Variants in PSME4 observed in about 807,000 individuals in gnomAD.
PSME4 encodes the protein proteasome activator complex subunit 4.
Under a neutral mutation model 253.9 loss-of-function variants are expected in PSME4, and 89 were observed. The observed-to-expected ratio is 0.35, with a 90% CI of 0.30 to 0.42. The LOEUF is 0.42. Among genes scored for constraint, PSME4 ranks in the 10% least tolerant of loss-of-function variants. PSME4 has a pLI of 1.00. For missense variants in PSME4, 2,014 were observed against 2,195.2 expected (o/e 0.92, Z 1.65); for synonymous variants, 851 against 759.2 (o/e 1.12, Z -1.99).
At chr2:53,904,711 G>A (rs949622641) in intron 26 of PSME4, among the ~76,000 whole-genome samples, 2 of 152,120 alleles carry the variant, frequency 1.3e-5, no homozygotes, top group Non-Finnish European at 2.9e-5. Flanking sequence ...ATAGTAGGAT[G>A]GGCGCAGTGG....
chr2:53,970,136 C>G (rs908648175), intron 1 of PSME4, among the ~76,000 whole-genome samples: 1 of 152,140 alleles, frequency 6.6e-6, no homozygotes, highest in Non-Finnish European at 1.5e-5. Flanking sequence ...AGCAAGGAGA[C>G]AAGTCAAGGA....
Position 53,932,723 on chromosome 2 carries a change from C to G in PSME4, c.995G>C (p.Gly332Ala). 6.2e-7 allele frequency: 1 copy of G among 1,614,000 alleles called. No individual in the cohort carries two copies. The highest frequency in any genetic ancestry group is 8.5e-7 in the Non-Finnish European group (1 of 1,179,882). ...AAAAGATGTGATGCTGTTAAACAAA[C>G]CAGCTAAGTGTTTTTGCACTAGCTT... is the stretch of plus-strand genomic sequence containing the variant. Reference protein sequence around the residue: ...PSKLVQKHLAGLFNSITSFYH... With the variant: ...PSKLVQKHLAALFNSITSFYH... The change falls in exon 9 of 47, where the codon GGT becomes GCT. Residue 332 changes from glycine to alanine, a missense_variant. This residue lies in a region of PSME4 where 615 missense variants were observed against 594.4 expected (regional missense o/e 1.03). Transcript: ENST00000404125.
intron 14 of PSME4, among the ~76,000 whole-genome samples, chr2:53,924,866 A>C (rs887251644): frequency 2.0e-5 from 3 of 152,248 alleles, no homozygotes; most frequent in Non-Finnish European, 4.4e-5. Context: ...CCCAGGGGAA[A>C]TACAGGATTA....
At chr2:53,950,538 T>C (rs554089021) in intron 1 of PSME4, among the ~76,000 whole-genome samples, 5 of 152,210 alleles carry the variant, frequency 3.3e-5, no homozygotes, top group African/African-American at 1.2e-4. Flanking sequence ...TTTAAGCAAA[T>C]TTAAGAAAAA....
chr2:53,947,247 A>G (rs557145775), intron 3 of PSME4, among the ~76,000 whole-genome samples: 19 of 152,376 alleles, frequency 1.2e-4, no homozygotes, highest in African/African-American at 2.9e-4. Context: ...TGACCTAAGT[A>G]AAGGCTGAGG....
chr2:53,884,042 T>C (rs1679521754), intron 41 of PSME4, among the ~76,000 whole-genome samples: 1 of 152,198 alleles, frequency 6.6e-6, no homozygotes, highest in Non-Finnish European at 1.5e-5. Flanking sequence ...CGCCTCTCTT[T>C]ATCCTCACAC....
chr2:53,915,958 C>G (rs149898583), intron 20 of PSME4, among the ~76,000 whole-genome samples: 1 of 152,262 alleles, frequency 6.6e-6, no homozygotes, highest in East Asian at 1.9e-4. Context: ...GCCTGCAATA[C>G]TGGCTACTTG....
chr2:53,888,152 T>C (rs2104423896), intron 38 of PSME4, 163 bp from the exon 39 acceptor site: 1 of 570,346 alleles, frequency 1.8e-6, no homozygotes, highest in Admixed American at 4.0e-5. Context: ...ATGAAGATTT[T>C]ATTTTTCCTA....
chr2:53,870,904 G>T (rs1678846123), intron 43 of PSME4: 2 of 151,992 alleles, frequency 1.3e-5, no homozygotes, highest in African/African-American at 4.8e-5. Flanking sequence ...CCAAAGTGCT[G>T]GGATTACAGG....
At chr2:53,869,821 TCAGGGC>T in intron 43 of PSME4, 1 of 206,308 alleles carries the variant, frequency 4.8e-6, no homozygotes, top group South Asian at 1.6e-4. Flanking sequence ...ATAGCTCTCA[TCAGGGC>T]TATAACTGTA....
At chr2:53,916,769 T>A (rs1403109083) in intron 20 of PSME4, among the ~76,000 whole-genome samples, 1 of 152,126 alleles carries the variant, frequency 6.6e-6, no homozygotes, top group Non-Finnish European at 1.5e-5. Flanking sequence ...ATGTTACACA[T>A]AGGAAATAAA....
In PSME4 at chr2:53,888,447, A is replaced by G. The variant is rs1679740772; in HGVS notation, c.4388+274T>C. The G allele has an allele frequency of 1.2e-5, 4 of 339,286 alleles. No homozygotes were observed. The East Asian group carries it at 1.9e-4, about 16-fold the overall frequency. The allele number at this position is 339,286 out of a possible 1,614,324, so 21.0% of individuals were successfully genotyped here. Reference sequence around the variant, plus strand: ...AGATGTGATGAAGACACAAAAGTACAAAAGACAATTCTGATAAAATATTTG... The same window carrying G: ...AGATGTGATGAAGACACAAAAGTACGAAAGACAATTCTGATAAAATATTTG... On this transcript the variant is annotated intron_variant, in intron 38 of 46. Coordinates refer to ENST00000404125, the MANE Select transcript of PSME4 (RefSeq NM_014614.3).
Position 53,919,234 on chromosome 2 carries a change from TAG to T in PSME4, c.2431_2432del (p.Leu811ThrfsTer27). The T allele has an allele frequency of 6.3e-7, 1 of 1,583,788 alleles. No individual in the cohort carries two copies. Among genetic ancestry groups the T allele is most frequent in the Non-Finnish European group, 8.5e-7 (1 of 1,170,120 alleles). On this transcript the variant is annotated frameshift_variant, in exon 20 of 47. Coordinates refer to ENST00000404125, the MANE Select transcript of PSME4 (RefSeq NM_014614.3). LOFTEE classifies it high-confidence loss of function. ...GKLEMSRDDI[L>X]QSLTIVHNCL... is the part of the protein sequence containing the mutation. ...AGTTGTGCACTATAGTCAGACTCTGTAGAATATCATCTCTAGAAAAAAAAAAA... is the reference window on the plus strand; with the variant it reads ...AGTTGTGCACTATAGTCAGACTCTGTAATATCATCTCTAGAAAAAAAAAAA...
intron 33 of PSME4, among the ~76,000 whole-genome samples, 167 bp from the exon 34 acceptor site, chr2:53,895,243 T>C (rs1298056273): frequency 6.6e-6 from 1 of 152,222 alleles, no homozygotes; most frequent in Non-Finnish European, 1.5e-5. Flanking sequence ...CAGATCACTG[T>C]GTCCTAATGA....
At chr2:53,876,926 T>A (rs1056129981) in intron 41 of PSME4, among the ~76,000 whole-genome samples, 3 of 151,650 alleles carry the variant, frequency 2.0e-5, no homozygotes, top group Non-Finnish European at 4.4e-5. Flanking sequence ...TCTCACTGTG[T>A]TGCCCAGATT....
At chr2:53,898,689 G>A (rs1680254753) in intron 29 of PSME4, among the ~76,000 whole-genome samples, 1 of 151,200 alleles carries the variant, frequency 6.6e-6, no homozygotes. Flanking sequence ...CCAGGTTTCT[G>A]AAATATATTA....
chr2:53,873,242 A>AAAAAAAAAAAAAAAAG (rs1352257177), intron 43 of PSME4, among the ~76,000 whole-genome samples: 9 of 151,586 alleles, frequency 5.9e-5, no homozygotes, highest in Non-Finnish European at 1.0e-4. Context: ...CCGTCTCAAA[A>AAAAAAAAAAAAAAAAG]AAAAAGAAAA....
chr2:53,960,057 C>T (rs1240252992), intron 1 of PSME4, among the ~76,000 whole-genome samples: 4 of 151,918 alleles, frequency 2.6e-5, no homozygotes, highest in Non-Finnish European at 5.9e-5. Context: ...TAAGTTATAC[C>T]CTGAAGAGGC....
chr2:53,899,220 A>G (rs934598083), intron 29 of PSME4, among the ~76,000 whole-genome samples: 4 of 151,798 alleles, frequency 2.6e-5, no homozygotes, highest in Admixed American at 2.0e-4. Context: ...GCGTGCCACC[A>G]TGCCAGGCTA....
Sources: allele counts gnomAD v4.1 joint callset (sites outside exome capture counted in the v4.1 genomes callset), GRCh38; gene constraint gnomAD v4.1.1; regional missense constraint gnomAD v4.1.1; transcripts MANE v1.5; gene names NCBI Gene and HGNC (gene_info 2026-07-23, HGNC 2026-07-21).